The following SNX29 variants were observed in gnomAD, a reference collection of about 807,000 sequenced individuals.
The protein encoded by SNX29 is sorting nexin 29, also known as sorting nexin-29.
In SNX29, 78 loss-of-function variants were observed where a neutral mutation model predicts 102.1. The observed-to-expected ratio is 0.76, with a 90% CI of 0.64 to 0.92. The LOEUF (loss-of-function observed/expected upper bound fraction) is 0.92, where lower values mean the gene tolerates loss of function less well. Ranked by LOEUF, SNX29 falls within the 40% of genes least tolerant of loss-of-function variation. SNX29 has a pLI of 0.00. For missense variants in SNX29, 1,280 were observed against 1,061.7 expected, an observed-to-expected ratio of 1.21 and a Z score of -2.86; for synonymous variants, 580 against 414.5, an observed-to-expected ratio of 1.40 and a Z score of -4.85.
chr16:12,499,319 G>T (rs191272887), intron 19 of SNX29, among the ~76,000 whole-genome samples: 2 of 152,332 alleles, frequency 1.3e-5, no homozygotes, highest in African/African-American at 4.8e-5. Context: ...GAACATCACT[G>T]TTTTTTGTTT....
Position 12,126,633 on chromosome 16 carries a change from G to T in SNX29, c.1403G>T (p.Ser468Ile). 1.2e-6 allele frequency: 2 copies of T among 1,613,944 alleles called. No homozygotes were observed. The highest frequency in any genetic ancestry group is 1.7e-6 in the Non-Finnish European group (2 of 1,179,870). ...TCTTGACTTTGTTTTCTTCCCTTAG[G>T]TGAACTGCGCCAGGCCACTGTGGCC... ...SASVPESMTI[S>I]ELRQATVAMM... The change falls in exon 12 of 21, where the codon AGT becomes ATT. Residue 468 changes from serine (S) to isoleucine (I), a missense_variant and splice_region_variant. Coordinates refer to ENST00000566228, the MANE Select transcript of SNX29 (RefSeq NM_032167.5).
At chr16:12,276,231 G>C (rs374984682) in intron 14 of SNX29, among the ~76,000 whole-genome samples, 1 of 152,124 alleles carries the variant, frequency 6.6e-6, no homozygotes, top group African/African-American at 2.4e-5. Flanking sequence ...GAGGATGTGA[G>C]TGTAAATTAC....
chr16:12,110,291 C>T (rs9939712), intron 11 of SNX29, among the ~76,000 whole-genome samples: 11,419 of 152,132 alleles, frequency 0.075, 475 homozygotes, highest in South Asian at 0.12. Flanking sequence ...GGTGAGGCAG[C>T]CCTTCCTCCC....
Position 12,572,878 on chromosome 16 carries a change from ACT to A in SNX29, c.*4252_*4253del, listed in dbSNP as rs1195009457. On this transcript the variant is annotated 3_prime_UTR_variant, in exon 21 of 21. Transcript: ENST00000566228. ...AGCCCTAAAGGTAATGATTGTCTTG[ACT>A]CTGCCTTGGCATTTCGCTCGGAATC... 5.7e-6 allele frequency: 6 copies of A among 1,060,642 alleles called. No individual in the cohort carries two copies. The highest frequency in any genetic ancestry group is 4.9e-5 in the African/African-American group (3 of 60,842). The allele number at this position is 1,060,642 out of a possible 1,614,324, so 65.7% of individuals were successfully genotyped here.
At chr16:12,546,861 A>G (rs908105863) in intron 20 of SNX29, among the ~76,000 whole-genome samples, 2 of 152,248 alleles carry the variant, frequency 1.3e-5, no homozygotes, top group African/African-American at 4.8e-5. Flanking sequence ...GTCACCAGTA[A>G]GATCAGGCTG....
chr16:12,380,138 C>G (rs901300933), intron 16 of SNX29, among the ~76,000 whole-genome samples: 13 of 152,034 alleles, frequency 8.6e-5, no homozygotes, highest in African/African-American at 2.9e-4. Context: ...ACATGAGACC[C>G]CAGGAAGAGT....
intron 16 of SNX29, among the ~76,000 whole-genome samples, chr16:12,384,203 A>G (rs952511543): frequency 1.3e-5 from 2 of 149,062 alleles, no homozygotes; most frequent in African/African-American, 2.5e-5. Flanking sequence ...TCTCTCTTCA[A>G]TATACTGATT....
chr16:12,127,361 C>T (rs1466069743), intron 12 of SNX29, among the ~76,000 whole-genome samples: 2 of 151,734 alleles, frequency 1.3e-5, no homozygotes, highest in African/African-American at 4.8e-5. Flanking sequence ...AATTTTAGAA[C>T]ATTTCATCAC....
chr16:12,226,076 CTAA>C lies in SNX29; in HGVS notation c.1678+26398_1678+26400del, dbSNP rs2077603469. On this transcript the variant is annotated intron_variant, in intron 14 of 20. Coordinates refer to ENST00000566228, the MANE Select transcript of SNX29 (RefSeq NM_032167.5). Reference sequence around the variant, plus strand: ...GACTTCTCTGTTGTTCCACTCTTTCCTAATAATTAATCCTAGTGATGATTAATC... The same window carrying C: ...GACTTCTCTGTTGTTCCACTCTTTCCTAATTAATCCTAGTGATGATTAATC... 3.9e-5 allele frequency among the ~76,000 whole-genome samples: 6 copies of C among 152,346 alleles called. No individual in the cohort carries two copies. The South Asian group carries it at 1.2e-3, about 32-fold the overall frequency.
intron 9 of SNX29, among the ~76,000 whole-genome samples, chr16:12,063,673 C>G (rs2050889253): frequency 6.6e-6 from 1 of 152,064 alleles, no homozygotes; most frequent in Non-Finnish European, 1.5e-5. Flanking sequence ...GCCACCGTGC[C>G]CGGCCTTTTC....
intron 13 of SNX29, among the ~76,000 whole-genome samples, chr16:12,190,417 A>C (rs1311496029): frequency 6.6e-6 from 1 of 152,206 alleles, no homozygotes; most frequent in Non-Finnish European, 1.5e-5. Context: ...TTAAAGTATG[A>C]GACTTGTTAA....
chr16:12,004,895 C>A (rs1302492467), intron 3 of SNX29, among the ~76,000 whole-genome samples: 1 of 152,186 alleles, frequency 6.6e-6, no homozygotes, highest in African/African-American at 2.4e-5. Context: ...TTGCCTATTA[C>A]CTGTCACTAT....
chr16:12,543,883 G>C (rs1187106611), intron 20 of SNX29, among the ~76,000 whole-genome samples: 1 of 152,226 alleles, frequency 6.6e-6, no homozygotes, highest in Non-Finnish European at 1.5e-5. Flanking sequence ...CACTACAAGA[G>C]CTTGCGTATT....
intron 18 of SNX29, among the ~76,000 whole-genome samples, chr16:12,475,395 T>C (rs1319897438): frequency 6.6e-6 from 1 of 152,240 alleles, no homozygotes; most frequent in African/African-American, 2.4e-5. Flanking sequence ...TCAGGGGTTA[T>C]CAAACTCTTT....
chr16:12,538,780 C>G (rs79501584), intron 20 of SNX29, among the ~76,000 whole-genome samples: 1 of 152,166 alleles, frequency 6.6e-6, no homozygotes, highest in Non-Finnish European at 1.5e-5. Flanking sequence ...CATGTCACAT[C>G]GCCAAGGGGG....
At chr16:12,568,415 C>A in intron 20 of SNX29, 91 bp from the exon 21 acceptor site, 1 of 1,549,166 alleles carries the variant, frequency 6.5e-7, no homozygotes, top group Non-Finnish European at 8.7e-7. Context: ...AATCAGATCC[C>A]TCCTGCCCTC....
At chr16:12,504,980 T>C (rs2089305545) in intron 19 of SNX29, among the ~76,000 whole-genome samples, 1 of 152,184 alleles carries the variant, frequency 6.6e-6, no homozygotes, top group East Asian at 1.9e-4. Context: ...TTTTGGCTTT[T>C]GTGAAGAATC....
intron 14 of SNX29, among the ~76,000 whole-genome samples, chr16:12,221,832 T>G (rs2077486493): frequency 6.6e-6 from 1 of 152,158 alleles, no homozygotes; most frequent in Admixed American, 6.5e-5. Context: ...CCCAACTGCC[T>G]CTTCCCCGCA....
At chr16:12,323,815 G>A (rs1357086229) in intron 15 of SNX29, among the ~76,000 whole-genome samples, 1 of 152,196 alleles carries the variant, frequency 6.6e-6, no homozygotes, top group Non-Finnish European at 1.5e-5. Flanking sequence ...CCCTCCCAGA[G>A]ATGTTGGGAC....
Sources: gnomAD v4.1 joint callset for allele counts (sites outside exome capture counted in the v4.1 genomes callset) on GRCh38, gnomAD v4.1.1 for gene constraint, MANE v1.5 for transcripts, NCBI Gene and HGNC (gene_info 2026-07-23, HGNC 2026-07-21) for gene names.